Variants in IGF2BP3 observed in about 807,000 individuals in gnomAD.
IGF2BP3 encodes the protein insulin-like growth factor 2 mRNA-binding protein 3.
IGF2BP3 carries 9 observed loss-of-function variants against 73.8 expected under a neutral mutation model. The ratio of observed to expected loss-of-function variants is 0.12; its 90% CI spans 0.07 to 0.21. IGF2BP3 has a LOEUF of 0.21. Among genes scored for constraint, IGF2BP3 ranks in the 10% least tolerant of loss-of-function variants. The pLI, the probability that IGF2BP3 is intolerant of heterozygous loss-of-function variation, is 1.00. For synonymous variants in IGF2BP3, 258 were observed against 256.7 expected, an observed-to-expected ratio of 1.01 and a Z score of -0.05; for missense variants, 542 against 714.0, an observed-to-expected ratio of 0.76 and a Z score of 2.75.
intron 10 of IGF2BP3, among the ~76,000 whole-genome samples, chr7:23,320,004 G>A (rs925296403): frequency 1.2e-4 from 18 of 151,854 alleles, no homozygotes; most frequent in East Asian, 3.9e-4. Flanking sequence ...TCCACCTCCC[G>A]GATTCAAGCT....
At chr7:23,468,967 G>A (rs1043296085) in intron 1 of IGF2BP3, among the ~76,000 whole-genome samples, 1 of 152,232 alleles carries the variant, frequency 6.6e-6, no homozygotes, top group African/African-American at 2.4e-5. Flanking sequence ...CAGACCCGCC[G>A]GGAACACTCA....
intron 5 of IGF2BP3, among the ~76,000 whole-genome samples, chr7:23,352,298 TTTTTTTTG>T (rs1784984528): frequency 7.2e-6 from 1 of 139,722 alleles, no homozygotes; most frequent in Non-Finnish European, 1.5e-5. Flanking sequence ...TTTTTTTTTT[TTTTTTTTG>T]GAGACAGAGT....
chr7:23,352,928 T>G (rs1303450409), intron 5 of IGF2BP3, among the ~76,000 whole-genome samples: 4 of 152,246 alleles, frequency 2.6e-5, no homozygotes, highest in African/African-American at 7.2e-5. Context: ...TTTGTTTGTT[T>G]GTTTTGCTTT....
At chr7:23,331,584 G>T (rs991829383) in intron 10 of IGF2BP3, among the ~76,000 whole-genome samples, 9 of 152,106 alleles carry the variant, frequency 5.9e-5, no homozygotes, top group African/African-American at 2.2e-4. Flanking sequence ...TAAAGAAAAG[G>T]AGTTTAGACT....
At chr7:23,416,582 T>C (rs1002729964) in intron 3 of IGF2BP3, among the ~76,000 whole-genome samples, 7 of 152,250 alleles carry the variant, frequency 4.6e-5, no homozygotes, top group Non-Finnish European at 1.0e-4. Context: ...ATGTATATTC[T>C]ACTGCATTAA....
intron 3 of IGF2BP3, among the ~76,000 whole-genome samples, chr7:23,394,344 G>C (rs544031978): frequency 6.6e-6 from 1 of 152,126 alleles, no homozygotes; most frequent in Admixed American, 6.5e-5. Context: ...GCACGTACCT[G>C]TAGTCCCAGC....
chr7:23,326,582 A>T (rs1784302738), intron 10 of IGF2BP3, among the ~76,000 whole-genome samples: 1 of 151,864 alleles, frequency 6.6e-6, no homozygotes, highest in Admixed American at 6.6e-5. Context: ...TACCCAAAGG[A>T]CTATAAATCA....
At chr7:23,328,525 C>CA (rs1784361649) in intron 10 of IGF2BP3, among the ~76,000 whole-genome samples, 1 of 152,064 alleles carries the variant, frequency 6.6e-6, no homozygotes, top group Non-Finnish European at 1.5e-5. Context: ...ATATTTTTAA[C>CA]AAAAACACTC....
chr7:23,395,667 T>G (rs1786430735), intron 3 of IGF2BP3, among the ~76,000 whole-genome samples: 1 of 151,602 alleles, frequency 6.6e-6, no homozygotes, highest in Non-Finnish European at 1.5e-5. Context: ...GTTTCACGCA[T>G]GTAATCCCAG....
chr7:23,374,381 G>A (rs1264120496), intron 3 of IGF2BP3, among the ~76,000 whole-genome samples: 1 of 152,152 alleles, frequency 6.6e-6, no homozygotes, highest in African/African-American at 2.4e-5. Flanking sequence ...TAGTATAGTA[G>A]AGGCTGGGCA....
intron 3 of IGF2BP3, chr7:23,415,667 G>C (rs993545504): frequency 5.4e-5 from 9 of 165,382 alleles, no homozygotes; most frequent in African/African-American, 1.9e-4. Flanking sequence ...CACATCCCAG[G>C]CGCCAGCCAT....
intron 10 of IGF2BP3, among the ~76,000 whole-genome samples, chr7:23,322,230 G>A (rs1784176639): frequency 6.6e-6 from 1 of 152,218 alleles, no homozygotes; most frequent in South Asian, 2.1e-4. Context: ...GCTTAAAGGA[G>A]CTGATGGAGC....
intron 10 of IGF2BP3, among the ~76,000 whole-genome samples, chr7:23,337,895 C>A (rs748726973): frequency 7.2e-5 from 11 of 152,176 alleles, no homozygotes; most frequent in Non-Finnish European, 1.5e-4. Flanking sequence ...AGCAGTTATC[C>A]TGGGCCAGGG....
chr7:23,373,574 G>A (rs1785624263), intron 3 of IGF2BP3, among the ~76,000 whole-genome samples: 3 of 152,134 alleles, frequency 2.0e-5, no homozygotes, highest in Non-Finnish European at 2.9e-5. Context: ...CACAGATGTG[G>A]AAAAATCAAA....
At chr7:23,354,310 C>T (rs979317982) in intron 5 of IGF2BP3, among the ~76,000 whole-genome samples, 2 of 152,080 alleles carry the variant, frequency 1.3e-5, no homozygotes, top group African/African-American at 4.8e-5. Flanking sequence ...TTTTTAAAGT[C>T]GGGAATAAAC....
intron 2 of IGF2BP3, chr7:23,450,866 T>A (rs970187131): frequency 6.6e-6 from 1 of 152,184 alleles, no homozygotes; most frequent in African/African-American, 2.4e-5. Context: ...CATAGTGAGA[T>A]CCTGTCTCAA....
intron 2 of IGF2BP3, among the ~76,000 whole-genome samples, chr7:23,444,522 C>T (rs1584051602): frequency 6.6e-6 from 1 of 152,170 alleles, no homozygotes; most frequent in Admixed American, 6.5e-5. Flanking sequence ...AAATGGATCA[C>T]TTGAGGCCAG....
intron 2 of IGF2BP3, among the ~76,000 whole-genome samples, chr7:23,444,934 T>A (rs1341340694): frequency 6.6e-6 from 1 of 151,972 alleles, no homozygotes; most frequent in Non-Finnish European, 1.5e-5. Flanking sequence ...ATTAATCAGG[T>A]GTGGTCTCAG....
intron 6 of IGF2BP3, among the ~76,000 whole-genome samples, chr7:23,349,323 A>T (rs1784905115): frequency 6.6e-6 from 1 of 152,204 alleles, no homozygotes; most frequent in African/African-American, 2.4e-5. Context: ...TTTGGTTGAA[A>T]TCTGAAGATT....
Sources: allele counts gnomAD v4.1 joint callset (sites outside exome capture counted in the v4.1 genomes callset), GRCh38; gene constraint gnomAD v4.1.1; transcripts MANE v1.5; gene names NCBI Gene and HGNC (gene_info 2026-07-23, HGNC 2026-07-21).